Variants in MSRA observed in about 807,000 individuals in gnomAD.
MSRA encodes the protein mitochondrial peptide methionine sulfoxide reductase.
In MSRA, 54 loss-of-function variants were observed where a neutral mutation model predicts 31.3. The observed-to-expected ratio is 1.73, with a 90% confidence interval of 1.39 to 2.17. The LOEUF (loss-of-function observed/expected upper bound fraction) is 2.17, where lower values mean the gene tolerates loss of function less well. Among genes scored for constraint, MSRA ranks in the 30% most tolerant of loss-of-function variants. MSRA has a pLI of 0.00. For missense variants in MSRA, 507 were observed against 300.9 expected, an observed-to-expected ratio of 1.69 and a Z score of -5.07; for synonymous variants, 169 against 116.5, an observed-to-expected ratio of 1.45 and a Z score of -2.90.
At chr8:10,080,778 A>G (rs1364696081) in intron 1 of MSRA, among the ~76,000 whole-genome samples, 1 of 150,592 alleles carries the variant, frequency 6.6e-6, no homozygotes, top group African/African-American at 2.5e-5. Flanking sequence ...GGCTCAAGCG[A>G]TCCTCCTGCC....
At chr8:10,109,070 C>T (rs965812489) in intron 1 of MSRA, among the ~76,000 whole-genome samples, 3 of 152,170 alleles carry the variant, frequency 2.0e-5, no homozygotes, top group African/African-American at 7.2e-5. Context: ...AGGTTCTGGC[C>T]AGCGCATTCC....
intron 1 of MSRA, among the ~76,000 whole-genome samples, chr8:10,207,088 C>G (rs1241176064): frequency 2.0e-5 from 3 of 152,210 alleles, no homozygotes; most frequent in Non-Finnish European, 4.4e-5. Context: ...TTAGAAAATG[C>G]TCATAGATGG....
At chr8:10,427,638 T>A (rs1031936963) in intron 5 of MSRA, among the ~76,000 whole-genome samples, 5 of 152,192 alleles carry the variant, frequency 3.3e-5, no homozygotes, top group African/African-American at 1.2e-4. Context: ...GTCCTGTTCC[T>A]GAGCTGGTGG....
chr8:10,247,622 G>A (rs915693991), intron 3 of MSRA, among the ~76,000 whole-genome samples: 2 of 152,102 alleles, frequency 1.3e-5, no homozygotes, highest in African/African-American at 4.8e-5. Context: ...CACAGAGACT[G>A]GTAAAGAACT....
chr8:10,306,933 G>A lies in MSRA; in HGVS notation c.436+5295G>A, dbSNP rs555703251. On this transcript the variant is annotated intron_variant, in intron 4 of 5. Transcript: ENST00000317173. The stretch of plus-strand genomic sequence containing the variant: ...GCACCTCTTAGGGGCCAGTCTTAGC[G>A]ATAGATGTTTCATAATCCTAATTGC... Among the ~76,000 whole-genome samples the A allele has an allele frequency of 3.9e-5, 6 of 152,302 alleles. No homozygotes were observed. In the East Asian group the frequency reaches 9.6e-4, roughly 24 times the overall value.
At chr8:10,393,385 C>G (rs541572833) in intron 5 of MSRA, among the ~76,000 whole-genome samples, 2 of 152,228 alleles carry the variant, frequency 1.3e-5, no homozygotes, top group East Asian at 3.9e-4. Flanking sequence ...TGCTGGGAGG[C>G]TGAGAGGGAT....
At chr8:10,172,939 A>G (rs1396503924) in intron 1 of MSRA, among the ~76,000 whole-genome samples, 1 of 152,220 alleles carries the variant, frequency 6.6e-6, no homozygotes, top group African/African-American at 2.4e-5. Context: ...TTCTCAGCAT[A>G]ACACCGAGTG....
chr8:10,357,492 C>A (rs942257260), intron 5 of MSRA, among the ~76,000 whole-genome samples: 1 of 152,176 alleles, frequency 6.6e-6, no homozygotes, highest in Non-Finnish European at 1.5e-5. Flanking sequence ...CAATTACTAT[C>A]TTTATTGAAA....
chr8:10,162,377 C>T (rs538959042), intron 1 of MSRA, among the ~76,000 whole-genome samples: 1 of 151,918 alleles, frequency 6.6e-6, no homozygotes, highest in African/African-American at 2.4e-5. Flanking sequence ...CCATCTGTAG[C>T]CCAGAAAAAT....
At chr8:10,088,587 T>G (rs1206183795) in intron 1 of MSRA, among the ~76,000 whole-genome samples, 1 of 152,078 alleles carries the variant, frequency 6.6e-6, no homozygotes, top group Non-Finnish European at 1.5e-5. Context: ...ATACAAAAAT[T>G]AGCTGAGTGT....
At chr8:10,407,576 G>A (rs879911166) in intron 5 of MSRA, among the ~76,000 whole-genome samples, 2 of 152,164 alleles carry the variant, frequency 1.3e-5, no homozygotes, top group Non-Finnish European at 2.9e-5. Flanking sequence ...CCAAGAGAGG[G>A]GACAGCGAAG....
chr8:10,343,060 C>G (rs1037413880), intron 5 of MSRA, among the ~76,000 whole-genome samples: 3 of 143,378 alleles, frequency 2.1e-5, no homozygotes, highest in African/African-American at 7.7e-5. Flanking sequence ...CACAGACACA[C>G]ACACACACAC....
At chr8:10,109,437 G>T (rs1021838013) in intron 1 of MSRA, among the ~76,000 whole-genome samples, 2 of 151,768 alleles carry the variant, frequency 1.3e-5, no homozygotes, top group African/African-American at 2.4e-5. Context: ...CATCTCCCGG[G>T]CTCAAACGAT....
intron 1 of MSRA, among the ~76,000 whole-genome samples, chr8:10,154,315 T>G (rs568886957): frequency 2.0e-5 from 3 of 152,114 alleles, no homozygotes; most frequent in Admixed American, 2.0e-4. Context: ...AGCACCCAAA[T>G]CGGCTTCACT....
chr8:10,245,207 T>A lies in MSRA; in HGVS notation c.315T>A (p.Tyr105Ter). Residue 105 changes from tyrosine (Y) to a stop codon, truncating the protein, a stop_gained, in exon 3 of 6, where the codon TAT (tyrosine) becomes TAA (stop). Coordinates refer to ENST00000317173, the MANE Select transcript of MSRA (RefSeq NM_012331.5). LOFTEE classifies it high-confidence loss of function. ...FAGGYTSNPTYKEVCSEKTGH... is the reference protein window; with the variant it reads ...FAGGYTSNPT ...GAGGCTATACTTCAAATCCTACTTA[T>A]AAAGAAGTCTGCTCAGGTAGGAAGA... 9 of 1,613,460 alleles carry A rather than the reference T, an allele frequency of 5.6e-6. No homozygotes were observed. The highest frequency in any genetic ancestry group is 1.1e-5 in the South Asian group (1 of 90,936).
At chr8:10,413,327 A>C (rs1475690763) in intron 5 of MSRA, among the ~76,000 whole-genome samples, 3 of 152,228 alleles carry the variant, frequency 2.0e-5, no homozygotes, top group East Asian at 1.9e-4. Flanking sequence ...AGCTAACCAC[A>C]CTGAGACTTC....
intron 1 of MSRA, among the ~76,000 whole-genome samples, chr8:10,106,544 C>G (rs1314685867): frequency 6.6e-6 from 1 of 152,190 alleles, no homozygotes; most frequent in East Asian, 1.9e-4. Context: ...CAGTGCAACT[C>G]TGTGAGAGAG....
At chr8:10,335,870 A>G (rs1229570462) in intron 5 of MSRA, among the ~76,000 whole-genome samples, 2 of 152,174 alleles carry the variant, frequency 1.3e-5, no homozygotes, top group African/African-American at 4.8e-5. Context: ...TGTCACTCTA[A>G]TCGCTGCCCT....
intron 1 of MSRA, among the ~76,000 whole-genome samples, chr8:10,148,178 C>A (rs1293791121): frequency 6.6e-6 from 1 of 152,174 alleles, no homozygotes; most frequent in African/African-American, 2.4e-5. Flanking sequence ...TATTCTATTT[C>A]TGGAAACGCA....
Sources: gnomAD v4.1 joint callset for allele counts (sites outside exome capture counted in the v4.1 genomes callset) on GRCh38, gnomAD v4.1.1 for gene constraint, MANE v1.5 for transcripts, NCBI Gene and HGNC (gene_info 2026-07-23, HGNC 2026-07-21) for gene names.